FBXL17: variants seen among roughly 807,000 people sequenced by gnomAD.
FBXL17 encodes F-box and leucine rich repeat protein 17.
FBXL17 carries 22 observed loss-of-function variants against 66.2 expected under a neutral mutation model. That is an observed-to-expected ratio of 0.33 (90% CI 0.24 to 0.47). The LOEUF is 0.47. Among genes scored for constraint, FBXL17 ranks in the 20% least tolerant of loss-of-function variants. The pLI is 1.00. For missense variants in FBXL17, 878 were observed against 948.2 expected, an observed-to-expected ratio of 0.93 and a Z score of 0.97; for synonymous variants, 474 against 400.5, an observed-to-expected ratio of 1.18 and a Z score of -2.19.
chr5:108,251,947 T>C (rs986250455), intron 4 of FBXL17, among the ~76,000 whole-genome samples: 12 of 152,088 alleles, frequency 7.9e-5, no homozygotes, highest in African/African-American at 2.7e-4. Flanking sequence ...TACAGTGATT[T>C]ATCAATTCTC....
chr5:108,307,191 A>C (rs1758885172), intron 4 of FBXL17, among the ~76,000 whole-genome samples: 1 of 152,158 alleles, frequency 6.6e-6, no homozygotes, highest in African/African-American at 2.4e-5. Context: ...TCTCCTTAAG[A>C]AGACATTTTT....
chr5:108,008,891 G>A (rs564112253), intron 7 of FBXL17, among the ~76,000 whole-genome samples: 7 of 151,868 alleles, frequency 4.6e-5, no homozygotes, highest in Non-Finnish European at 1.0e-4. Flanking sequence ...ATTTCTAATA[G>A]TAGAACAGAA....
chr5:107,930,807 C>G (rs542477985), intron 7 of FBXL17, among the ~76,000 whole-genome samples: 2 of 152,230 alleles, frequency 1.3e-5, no homozygotes, highest in South Asian at 4.1e-4. Flanking sequence ...ATGAAGGTGA[C>G]TGATTTATTG....
intron 3 of FBXL17, among the ~76,000 whole-genome samples, chr5:108,364,198 C>G (rs1748515658): frequency 2.0e-5 from 3 of 151,784 alleles, no homozygotes; most frequent in South Asian, 2.1e-4. Context: ...TAATCCACTC[C>G]GAGCCAAGAA....
chr5:108,146,366 G>A lies in FBXL17; in HGVS notation c.1745+39751C>T, dbSNP rs1296244018. 7.9e-5 allele frequency among the ~76,000 whole-genome samples: 12 copies of A among 151,936 alleles called. No individual in the cohort carries two copies. The East Asian group carries it at 2.3e-3, about 29-fold the overall frequency. On this transcript the variant is annotated intron_variant, in intron 6 of 8. Coordinates refer to ENST00000542267, the MANE Select transcript of FBXL17 (RefSeq NM_001163315.3). Reference sequence around the variant, plus strand: ...GAACGAGGATTAATTTGATTCATGGGCTCCATGGTAATTCTAGTGGTACTT... The same window carrying A: ...GAACGAGGATTAATTTGATTCATGGACTCCATGGTAATTCTAGTGGTACTT...
intron 7 of FBXL17, among the ~76,000 whole-genome samples, chr5:107,893,128 T>G (rs1417900480): frequency 6.6e-6 from 1 of 151,526 alleles, no homozygotes; most frequent in African/African-American, 2.4e-5. Flanking sequence ...GGGGACACAA[T>G]CAAAGGAATG....
chr5:108,339,915 T>C (rs1394469911), intron 4 of FBXL17, among the ~76,000 whole-genome samples: 1 of 152,100 alleles, frequency 6.6e-6, no homozygotes, highest in Non-Finnish European at 1.5e-5. Context: ...ATTTTAATAT[T>C]GCTAAACTAA....
intron 6 of FBXL17, among the ~76,000 whole-genome samples, chr5:108,122,016 T>C (rs992623476): frequency 1.3e-5 from 2 of 152,110 alleles, no homozygotes; most frequent in Non-Finnish European, 2.9e-5. Flanking sequence ...AGAAAACAGA[T>C]GGAATCAAAT....
At chr5:107,960,455 C>G (rs1751855960) in intron 7 of FBXL17, among the ~76,000 whole-genome samples, 1 of 152,142 alleles carries the variant, frequency 6.6e-6, no homozygotes, top group Admixed American at 6.6e-5. Flanking sequence ...ACTCTCTGCT[C>G]CCTCCTACTC....
chr5:108,063,042 A>G (rs2112847840), intron 6 of FBXL17, among the ~76,000 whole-genome samples: 1 of 152,274 alleles, frequency 6.6e-6, no homozygotes, highest in Middle Eastern at 3.4e-3. Flanking sequence ...CTCATACACT[A>G]TTATAGTAGA....
At chr5:108,275,506 G>A (rs1269510007) in intron 4 of FBXL17, among the ~76,000 whole-genome samples, 3 of 152,034 alleles carry the variant, frequency 2.0e-5, no homozygotes, top group Non-Finnish European at 2.9e-5. Context: ...TACTTCTATT[G>A]CCACTAAATA....
intron 1 of FBXL17, among the ~76,000 whole-genome samples, chr5:108,379,806 A>G (rs1163930379): frequency 6.6e-6 from 1 of 152,250 alleles, no homozygotes; most frequent in Non-Finnish European, 1.5e-5. Flanking sequence ...TAGCATTGAC[A>G]AAACTGCAAA....
At chr5:108,116,920 G>C (rs1031871515) in intron 6 of FBXL17, among the ~76,000 whole-genome samples, 2 of 151,834 alleles carry the variant, frequency 1.3e-5, no homozygotes, top group Non-Finnish European at 2.9e-5. Context: ...AAAGGGGAGA[G>C]AATACATTAA....
Position 108,381,359 on chromosome 5 carries a change from G to C in FBXL17, c.333C>G (p.Asp111Glu), listed in dbSNP as rs929695344. The C allele has an allele frequency of 3.0e-6, 4 of 1,347,192 alleles. No individual in the cohort carries two copies. The highest frequency in any genetic ancestry group is 3.8e-6 in the Non-Finnish European group (4 of 1,057,924). 83.5% of individuals were successfully genotyped at this position (1,347,192 alleles called of 1,614,324 possible). ...GGAAGCGGCGGGCAGCAGCGGCGCA[G>C]TCCTCGGCGGCCAGGGCCGCGTAGC... ...ARRYAALAAE[D>E]CAAAARRFLL... is the part of the protein sequence containing the mutation. The change falls in exon 1 of 9, where the codon GAC becomes GAG. Residue 111 changes from aspartate (D) to glutamate (E), a missense_variant. By Grantham distance (45) the Asp-to-Glu change is conservative. This residue lies in a region of FBXL17 where 605 missense variants were observed against 509.5 expected (regional missense o/e 1.19). Transcript: ENST00000542267.
chr5:107,900,228 T>C (rs1285738474), intron 7 of FBXL17, among the ~76,000 whole-genome samples: 1 of 152,192 alleles, frequency 6.6e-6, no homozygotes, highest in Non-Finnish European at 1.5e-5. Context: ...TTAATTCCAC[T>C]TGGTTTAATT....
chr5:108,298,637 A>G (rs1004771247), intron 4 of FBXL17: 12 of 910,504 alleles, frequency 1.3e-5, no homozygotes, highest in Non-Finnish European at 1.6e-5. Context: ...CTTGATCAAC[A>G]CAAAACACAG....
chr5:108,153,034 G>A, intron 6 of FBXL17, among the ~76,000 whole-genome samples: 1 of 152,020 alleles, frequency 6.6e-6, no homozygotes, highest in East Asian at 1.9e-4. Context: ...TTTATAAGGG[G>A]GAGTTACCCT....
At chr5:108,300,925 T>A (rs561023554) in intron 4 of FBXL17, among the ~76,000 whole-genome samples, 2 of 151,830 alleles carry the variant, frequency 1.3e-5, no homozygotes, top group African/African-American at 2.4e-5. Context: ...TGTATATATA[T>A]ATTTAAAGTC....
At chr5:108,176,448 T>C (rs932405007) in intron 6 of FBXL17, among the ~76,000 whole-genome samples, 1 of 152,150 alleles carries the variant, frequency 6.6e-6, no homozygotes, top group Non-Finnish European at 1.5e-5. Context: ...AATGTTCACT[T>C]ATGCACTATT....
Sources: allele counts gnomAD v4.1 joint callset (sites outside exome capture counted in the v4.1 genomes callset), GRCh38; gene constraint gnomAD v4.1.1; regional missense constraint gnomAD v4.1.1; transcripts MANE v1.5; gene names NCBI Gene and HGNC (gene_info 2026-07-23, HGNC 2026-07-21).